Variants in TRHDE observed in about 807,000 individuals in gnomAD.
TRHDE encodes the protein thyrotropin-releasing hormone-degrading ectoenzyme.
A neutral mutation model predicts 125.7 loss-of-function variants in TRHDE; 72 were observed. That is an observed-to-expected ratio of 0.57 (90% CI 0.47 to 0.70). The LOEUF (loss-of-function observed/expected upper bound fraction) is 0.70, where lower values mean the gene tolerates loss of function less well. Among genes scored for constraint, TRHDE ranks in the 30% least tolerant of loss-of-function variants. TRHDE has a pLI of 0.00. For missense variants in TRHDE, 1,110 were observed against 1,327.1 expected, an observed-to-expected ratio of 0.84 and a Z score of 2.54; for synonymous variants, 509 against 509.1, an observed-to-expected ratio of 1.00 and a Z score of 0.00.
At chr12:72,090,894 C>A (rs1369950715) in intron 1 of TRHDE, among the ~76,000 whole-genome samples, 1 of 151,344 alleles carries the variant, frequency 6.6e-6, no homozygotes, top group Non-Finnish European at 1.5e-5. Flanking sequence ...TTACTCTGTC[C>A]CCAGGCTGAA....
intron 15 of TRHDE, among the ~76,000 whole-genome samples, chr12:72,645,866 G>A (rs928680710): frequency 1.4e-4 from 21 of 151,932 alleles, no homozygotes; most frequent in Non-Finnish European, 4.4e-5. Flanking sequence ...AACTATACAA[G>A]CAATAATGTC....
intron 6 of TRHDE, among the ~76,000 whole-genome samples, chr12:72,530,575 A>G (rs1354614291): frequency 7.2e-6 from 1 of 138,892 alleles, no homozygotes; most frequent in East Asian, 2.1e-4. Flanking sequence ...TTCTTCATCT[A>G]TTCTTGCTCT....
At chr12:72,215,842 A>C (rs1388742556) in intron 2 of TRHDE, among the ~76,000 whole-genome samples, 1 of 152,172 alleles carries the variant, frequency 6.6e-6, no homozygotes, top group Admixed American at 6.5e-5. Flanking sequence ...TTTGGAAACG[A>C]AGCAGCTACC....
intron 7 of TRHDE, among the ~76,000 whole-genome samples, chr12:72,545,883 T>G (rs1164025790): frequency 6.6e-6 from 1 of 151,638 alleles, no homozygotes; most frequent in Non-Finnish European, 1.5e-5. Flanking sequence ...AATTCCATCT[T>G]CTAATGTTGG....
chr12:72,139,991 C>T (rs1040268486), intron 2 of TRHDE: 3 of 152,204 alleles, frequency 2.0e-5, no homozygotes, highest in Non-Finnish European at 4.4e-5. Flanking sequence ...TGACAGATAG[C>T]AGGCTCTGAA....
rs546439309 is a variant in TRHDE, at chr12:72,520,763, G to A, written c.1722+21128G>A. On this transcript the variant is annotated intron_variant, in intron 6 of 18. Transcript: ENST00000261180. ...CATCTTTTTTAGAAATGGAGCTCTG[G>A]GTTCGATCTAAGTCTTAAAGTAATA... 3.3e-5 allele frequency among the ~76,000 whole-genome samples: 5 copies of A among 152,076 alleles called. No individual in the cohort carries two copies. The South Asian group carries it at 1.0e-3, about 31-fold the overall frequency.
rs966045813 is a variant in TRHDE, at chr12:72,603,553, A to G, written c.2322-15338A>G. Among the ~76,000 whole-genome samples the G allele has an allele frequency of 2.1e-4, 32 of 151,974 alleles. No individual in the cohort carries two copies. The East Asian group carries it at 3.3e-3, about 16-fold the overall frequency. The stretch of plus-strand genomic sequence containing the variant: ...ATCCTGGCTAACATGGTGAAACCCC[A>G]TCTCTACTAAAAATACAAAAAATTA... On this transcript the variant is annotated intron_variant, in intron 12 of 18. Transcript: ENST00000261180.
intron 12 of TRHDE, among the ~76,000 whole-genome samples, chr12:72,587,519 G>A (rs1205835310): frequency 2.0e-5 from 3 of 151,866 alleles, no homozygotes; most frequent in African/African-American, 2.4e-5. Flanking sequence ...AAAAGTAGAT[G>A]GATAACAAAG....
At chr12:72,184,376 T>A (rs575109228) in intron 2 of TRHDE, among the ~76,000 whole-genome samples, 12 of 152,262 alleles carry the variant, frequency 7.9e-5, no homozygotes, top group African/African-American at 2.6e-4. Context: ...CTACTCTGTA[T>A]CTGACCCTCC....
chr12:72,449,580 T>G (rs1875472389), intron 3 of TRHDE, among the ~76,000 whole-genome samples: 1 of 151,998 alleles, frequency 6.6e-6, no homozygotes, highest in African/African-American at 2.4e-5. Flanking sequence ...GTCTCATAGC[T>G]CTGGGTGCAA....
intron 3 of TRHDE, among the ~76,000 whole-genome samples, chr12:72,467,431 T>A (rs1876433369): frequency 6.6e-6 from 1 of 152,204 alleles, no homozygotes; most frequent in South Asian, 2.1e-4. Flanking sequence ...TCCCTTTTTT[T>A]CGTGTTATAG....
At chr12:72,645,171 A>C (rs1023440689) in intron 15 of TRHDE, among the ~76,000 whole-genome samples, 36 of 152,200 alleles carry the variant, frequency 2.4e-4, no homozygotes, top group African/African-American at 8.2e-4. Context: ...CATATGATTT[A>C]CCTGACAGAT....
intron 13 of TRHDE, among the ~76,000 whole-genome samples, chr12:72,620,511 G>A (rs184985770): frequency 3.2e-4 from 48 of 151,790 alleles, no homozygotes; most frequent in African/African-American, 1.1e-3. Context: ...GCAACAGAGT[G>A]GAGACCCTGT....
intron 3 of TRHDE, among the ~76,000 whole-genome samples, chr12:72,437,707 T>C (rs753444788): frequency 6.6e-6 from 1 of 151,852 alleles, no homozygotes; most frequent in Non-Finnish European, 1.5e-5. Flanking sequence ...ACATAATATT[T>C]TGAAATATAT....
intron 2 of TRHDE, among the ~76,000 whole-genome samples, chr12:72,374,876 C>T (rs919978380): frequency 6.6e-6 from 1 of 152,042 alleles, no homozygotes; most frequent in Non-Finnish European, 1.5e-5. Flanking sequence ...CTACTTGCAC[C>T]GATAGTCTCA....
chr12:72,123,932 T>G (rs1875652927), intron 2 of TRHDE, among the ~76,000 whole-genome samples: 1 of 152,184 alleles, frequency 6.6e-6, no homozygotes, highest in South Asian at 2.1e-4. Context: ...TATTTTTTGG[T>G]CTGGCTTCTT....
At chr12:72,583,923 CTTTTTTTTTTT>C (rs1190363456) in intron 12 of TRHDE, among the ~76,000 whole-genome samples, 1 of 60,486 alleles carries the variant, frequency 1.7e-5, no homozygotes, top group Non-Finnish European at 2.4e-5. Context: ...GGATGACAAA[CTTTTTTTTTTT>C]TTTTTTTTTT....
At chr12:72,548,084 A>G (rs1192227968) in intron 7 of TRHDE, among the ~76,000 whole-genome samples, 1 of 151,796 alleles carries the variant, frequency 6.6e-6, no homozygotes, top group East Asian at 1.9e-4. Flanking sequence ...AGTCCTTACT[A>G]GTGTAACATT....
chr12:72,193,330 A>G (rs1036596346), intron 2 of TRHDE, among the ~76,000 whole-genome samples: 1 of 151,990 alleles, frequency 6.6e-6, no homozygotes, highest in Non-Finnish European at 1.5e-5. Context: ...TTGCATCTGT[A>G]GAACCCCTAA....
Sources: gnomAD v4.1 joint callset for allele counts (sites outside exome capture counted in the v4.1 genomes callset) on GRCh38, gnomAD v4.1.1 for gene constraint, MANE v1.5 for transcripts, NCBI Gene and HGNC (gene_info 2026-07-23, HGNC 2026-07-21) for gene names.